Variants in FHIP1A observed in about 807,000 individuals in gnomAD.
The protein encoded by FHIP1A is FHF complex subunit HOOK interacting protein 1A, also known as FHF complex subunit HOOK-interacting protein 1A.
FHIP1A carries 61 observed loss-of-function variants against 88.6 expected under a neutral mutation model. That is an observed-to-expected ratio of 0.69 (90% CI 0.56 to 0.85). The LOEUF (loss-of-function observed/expected upper bound fraction) is 0.85, where lower values mean the gene tolerates loss of function less well. Among genes scored for constraint, FHIP1A ranks in the 40% least tolerant of loss-of-function variants. FHIP1A has a pLI of 0.00. For synonymous variants in FHIP1A, 478 were observed against 496.0 expected, an observed-to-expected ratio of 0.96 and a Z score of 0.48; for missense variants, 1,154 against 1,273.5, an observed-to-expected ratio of 0.91 and a Z score of 1.43.
intron 3 of FHIP1A, among the ~76,000 whole-genome samples, chr4:151,517,064 A>T (rs1186909284): frequency 4.6e-5 from 7 of 152,230 alleles, no homozygotes; most frequent in Admixed American, 3.9e-4. Context: ...AATGTCCAAC[A>T]ATGATAGACT....
At chr4:151,528,104 A>G (rs1192146558) in intron 3 of FHIP1A, among the ~76,000 whole-genome samples, 1 of 152,228 alleles carries the variant, frequency 6.6e-6, no homozygotes, top group Non-Finnish European at 1.5e-5. Flanking sequence ...TGAGAAGTGA[A>G]TACTTTGTCA....
intron 2 of FHIP1A, among the ~76,000 whole-genome samples, chr4:151,476,141 T>C (rs1253503215): frequency 2.0e-5 from 3 of 150,612 alleles, no homozygotes; most frequent in Non-Finnish European, 4.4e-5. Context: ...ATTACAGGCA[T>C]GAGACACTGT....
At chr4:151,486,787 T>A (rs926667083) in intron 3 of FHIP1A, among the ~76,000 whole-genome samples, 8 of 151,900 alleles carry the variant, frequency 5.3e-5, no homozygotes, top group Non-Finnish European at 1.2e-4. Context: ...ACCAACATGA[T>A]GAAACCCCAT....
At chr4:151,412,432 C>T (rs1263188549) in intron 1 of FHIP1A, among the ~76,000 whole-genome samples, 1 of 152,070 alleles carries the variant, frequency 6.6e-6, no homozygotes, top group Non-Finnish European at 1.5e-5. Context: ...TATGGGCATA[C>T]TCTTTGCTCC....
intron 3 of FHIP1A, among the ~76,000 whole-genome samples, chr4:151,556,247 A>G (rs141956765): frequency 6.6e-6 from 1 of 152,180 alleles, no homozygotes; most frequent in Non-Finnish European, 1.5e-5. Context: ...CCAGTTCATT[A>G]TATAGTTATT....
At chr4:151,615,574 G>A (rs1735490110) in intron 7 of FHIP1A, among the ~76,000 whole-genome samples, 1 of 152,134 alleles carries the variant, frequency 6.6e-6, no homozygotes, top group Admixed American at 6.6e-5. Flanking sequence ...GGATGGCAAG[G>A]GGGTGTTGAC....
intron 3 of FHIP1A, among the ~76,000 whole-genome samples, chr4:151,530,593 C>T (rs1160968485): frequency 1.3e-5 from 2 of 152,198 alleles, no homozygotes; most frequent in Non-Finnish European, 2.9e-5. Context: ...CAACATTCAA[C>T]TTCTGTGGTT....
At position 151,631,430 on chromosome 4, in the gene FHIP1A, A is replaced by T. The variant is rs1736154891; in HGVS notation, c.1146+1561A>T. Among the ~76,000 whole-genome samples the T allele has an allele frequency of 2.0e-5, 3 of 152,256 alleles. No homozygotes were observed. The South Asian group carries it at 6.2e-4, about 32-fold the overall frequency. On this transcript the variant is annotated intron_variant, in intron 8 of 13. Coordinates refer to ENST00000435205, the MANE Select transcript of FHIP1A (RefSeq NM_001109977.3). Reference sequence around the variant, plus strand: ...TGAAATGGAAGATCTAAATAAATTTATATCAAAATAAGATTAAAATAGAAA... The same window carrying T: ...TGAAATGGAAGATCTAAATAAATTTTTATCAAAATAAGATTAAAATAGAAA...
Position 151,649,627 on chromosome 4 carries a change from C to T in FHIP1A, c.1586C>T (p.Ser529Phe). 1 of 1,551,692 alleles carries T rather than the reference C, an allele frequency of 6.4e-7. No homozygotes were observed. The highest frequency in any genetic ancestry group is 8.7e-7 in the Non-Finnish European group (1 of 1,146,974). The change falls in exon 11 of 14, where the codon TCC (serine) becomes TTC (phenylalanine). Residue 529 changes from serine (S) to phenylalanine (F), a missense_variant. Physicochemically the swap from Ser to Phe is radical, Grantham distance 155. Transcript: ENST00000435205. ...TGGTCCGCCCTGTATGATGGCGACTCCCCCGACCCTGAGATGTTTCTCCAG... is the reference window on the plus strand; with the variant it reads ...TGGTCCGCCCTGTATGATGGCGACTTCCCCGACCCTGAGATGTTTCTCCAG... The part of the protein sequence containing the change: ...RVWSALYDGD[S>F]PDPEMFLQSL...
intron 3 of FHIP1A, among the ~76,000 whole-genome samples, chr4:151,546,068 T>C (rs985324816): frequency 6.6e-6 from 1 of 152,172 alleles, no homozygotes; most frequent in Non-Finnish European, 1.5e-5. Context: ...GTGGGGTACA[T>C]CTGCCCTGAG....
intron 2 of FHIP1A, among the ~76,000 whole-genome samples, chr4:151,460,818 A>C (rs1004227717): frequency 1.3e-5 from 2 of 152,224 alleles, no homozygotes; most frequent in Admixed American, 6.5e-5. Context: ...TCACTGAAGG[A>C]AGGAAATGAA....
chr4:151,573,780 G>A (rs1733684811), intron 4 of FHIP1A, among the ~76,000 whole-genome samples: 1 of 152,006 alleles, frequency 6.6e-6, no homozygotes, highest in African/African-American at 2.4e-5. Context: ...TCAGCAAGCA[G>A]AAATCAGGGA....
intron 2 of FHIP1A, among the ~76,000 whole-genome samples, chr4:151,471,100 C>A (rs1218674547): frequency 6.6e-6 from 1 of 152,030 alleles, no homozygotes; most frequent in Non-Finnish European, 1.5e-5. Context: ...AGATGAGGGA[C>A]AAGTGCTTGG....
At chr4:151,446,947 T>C (rs1728632245) in intron 1 of FHIP1A, among the ~76,000 whole-genome samples, 1 of 152,198 alleles carries the variant, frequency 6.6e-6, no homozygotes, top group Admixed American at 6.5e-5. Context: ...TTCTTGATTC[T>C]GTAGTTAACA....
chr4:151,608,467 A>C (rs1307603001), intron 7 of FHIP1A, among the ~76,000 whole-genome samples: 1 of 152,240 alleles, frequency 6.6e-6, no homozygotes, highest in Non-Finnish European at 1.5e-5. Context: ...ATGTGCAGCT[A>C]GTTACTGGGG....
At chr4:151,629,181 T>C (rs1323527026) in intron 7 of FHIP1A, among the ~76,000 whole-genome samples, 2 of 152,230 alleles carry the variant, frequency 1.3e-5, no homozygotes, top group African/African-American at 4.8e-5. Context: ...TCTGTAGCAC[T>C]TTGTGTCTGT....
intron 3 of FHIP1A, among the ~76,000 whole-genome samples, chr4:151,541,212 T>C (rs1342738842): frequency 6.6e-6 from 1 of 152,240 alleles, no homozygotes; most frequent in Non-Finnish European, 1.5e-5. Context: ...CCAGGAATAT[T>C]TGTTGAATGA....
chr4:151,427,023 G>A (rs1402717599), intron 1 of FHIP1A, among the ~76,000 whole-genome samples: 14 of 152,022 alleles, frequency 9.2e-5, no homozygotes, highest in Non-Finnish European at 5.9e-5. Context: ...AAACACACAT[G>A]CCCAATTCAT....
intron 2 of FHIP1A, among the ~76,000 whole-genome samples, chr4:151,460,218 G>A (rs1201180375): frequency 2.0e-5 from 3 of 152,050 alleles, no homozygotes; most frequent in South Asian, 4.1e-4. Flanking sequence ...GAGGCCCTGC[G>A]TTAAAGGTCT....
Sources: gnomAD v4.1 joint callset for allele counts (sites outside exome capture counted in the v4.1 genomes callset) on GRCh38, gnomAD v4.1.1 for gene constraint, MANE v1.5 for transcripts, NCBI Gene and HGNC (gene_info 2026-07-23, HGNC 2026-07-21) for gene names.